Variants in AFAP1L1 observed in about 807,000 individuals in gnomAD.
The protein encoded by AFAP1L1 is actin filament-associated protein 1-like 1.
A neutral mutation model predicts 99.8 loss-of-function variants in AFAP1L1; 77 were observed. The observed-to-expected ratio is 0.77, with a 90% CI of 0.64 to 0.93. The LOEUF (loss-of-function observed/expected upper bound fraction) is 0.93, where lower values mean the gene tolerates loss of function less well. Ranked by LOEUF, AFAP1L1 falls within the 40% of genes least tolerant of loss-of-function variation. AFAP1L1 has a pLI of 0.00. For synonymous variants in AFAP1L1, 373 were observed against 395.3 expected (o/e 0.94, Z 0.67); for missense variants, 893 against 996.8 (o/e 0.90, Z 1.40).
intron 16 of AFAP1L1, among the ~76,000 whole-genome samples, chr5:149,331,160 G>T (rs1010607523): frequency 6.6e-6 from 1 of 152,080 alleles, no homozygotes; most frequent in Non-Finnish European, 1.5e-5. Flanking sequence ...AAGTGGGCTG[G>T]GTGCCGTGGT....
chr5:149,297,579 C>T (rs1305370363), intron 1 of AFAP1L1, among the ~76,000 whole-genome samples: 1 of 152,202 alleles, frequency 6.6e-6, no homozygotes, highest in Admixed American at 6.5e-5. Flanking sequence ...CAACCTTCAG[C>T]TCATTGTCAA....
chr5:149,329,588 A>C (rs1013283977), intron 15 of AFAP1L1, 78 bp from the exon 16 acceptor site: 2 of 1,417,520 alleles, frequency 1.4e-6, no homozygotes, highest in African/African-American at 2.9e-5. Flanking sequence ...GTTGGGGCTG[A>C]AAGAGAAGCT....
intron 15 of AFAP1L1, among the ~76,000 whole-genome samples, chr5:149,327,886 A>G (rs1399016066): frequency 6.6e-6 from 1 of 152,210 alleles, no homozygotes; most frequent in Non-Finnish European, 1.5e-5. Flanking sequence ...AAATATTCAA[A>G]TAATGGCTGA....
intron 17 of AFAP1L1, among the ~76,000 whole-genome samples, chr5:149,335,198 C>T (rs1474346377): frequency 6.6e-6 from 1 of 152,096 alleles, no homozygotes; most frequent in Non-Finnish European, 1.5e-5. Context: ...TTTTAAAGTT[C>T]CTCATGCAGC....
At chr5:149,299,184 G>A (rs1327116854) in intron 1 of AFAP1L1, among the ~76,000 whole-genome samples, 3 of 152,342 alleles carry the variant, frequency 2.0e-5, no homozygotes, top group African/African-American at 7.2e-5. Flanking sequence ...GGCAATCTGG[G>A]ACAGAGGGAG....
chr5:149,294,007 G>A (rs1284570936), intron 1 of AFAP1L1, among the ~76,000 whole-genome samples: 1 of 152,186 alleles, frequency 6.6e-6, no homozygotes, highest in Non-Finnish European at 1.5e-5. Flanking sequence ...GTAATCTTCA[G>A]GGGCTCCTAT....
intron 16 of AFAP1L1, 23 bp downstream of exon 16, chr5:149,329,853 G>A (rs767071279): frequency 2.5e-6 from 4 of 1,582,764 alleles, no homozygotes; most frequent in South Asian, 1.2e-5. Flanking sequence ...GTGTGGTCCT[G>A]AGCACCTATG....
intron 5 of AFAP1L1, among the ~76,000 whole-genome samples, chr5:149,304,968 G>GT (rs1756361055): frequency 6.6e-6 from 1 of 151,794 alleles, no homozygotes; most frequent in Middle Eastern, 3.2e-3. Context: ...CCTGGAGGGG[G>GT]ATGTGCACCA....
At chr5:149,301,632 A>G (rs1466557636) in intron 4 of AFAP1L1, among the ~76,000 whole-genome samples, 1 of 152,016 alleles carries the variant, frequency 6.6e-6, no homozygotes, top group African/African-American at 2.4e-5. Flanking sequence ...GCCCACCCCC[A>G]TGACTCTGCT....
chr5:149,333,323 A>G (rs934905044), intron 17 of AFAP1L1, among the ~76,000 whole-genome samples: 1 of 152,232 alleles, frequency 6.6e-6, no homozygotes, highest in Non-Finnish European at 1.5e-5. Context: ...GACTTGCTCA[A>G]GGTCACTCCA....
At chr5:149,337,556 T>G (rs1757440201) in intron 18 of AFAP1L1, among the ~76,000 whole-genome samples, 1 of 152,162 alleles carries the variant, frequency 6.6e-6, no homozygotes, top group Non-Finnish European at 1.5e-5. Flanking sequence ...ATTCCATCTT[T>G]GCAATAACCA....
In AFAP1L1 at chr5:149,299,617, A is replaced by G. The variant is rs768001773; in HGVS notation, c.125A>G (p.Gln42Arg). Reference sequence around the variant, plus strand: ...AAGATGGCCGTGGCCTCCATCCTGCAGAGCCTGCAGCCCCTTCCAGGTTAG... The same window carrying G: ...AAGATGGCCGTGGCCTCCATCCTGCGGAGCCTGCAGCCCCTTCCAGGTTAG... ...EKKMAVASIL[Q>R]SLQPLPAKEV... Residue 42 changes from glutamine (Q) to arginine (R), a missense_variant, in exon 2 of 19, where the codon CAG (glutamine) becomes CGG (arginine). By Grantham distance (43) the Gln-to-Arg change is conservative. Transcript: ENST00000296721. 10 of 1,614,150 alleles carry G rather than the reference A, an allele frequency of 6.2e-6. No individual in the cohort carries two copies. In the South Asian group the frequency reaches 9.9e-5, roughly 16 times the overall value.
At chr5:149,319,817 G>A (rs1236593102) in intron 13 of AFAP1L1, 90 bp downstream of exon 13, 5 of 1,528,464 alleles carry the variant, frequency 3.3e-6, no homozygotes, top group Non-Finnish European at 3.5e-6. Flanking sequence ...GGCACTGGGA[G>A]GGAAGGGAGG....
At chr5:149,272,749 C>G (rs1755168284) in intron 1 of AFAP1L1, among the ~76,000 whole-genome samples, 1 of 152,220 alleles carries the variant, frequency 6.6e-6, no homozygotes, top group African/African-American at 2.4e-5. Context: ...GTTGCCCAGG[C>G]TGGAGTGAAG....
At chr5:149,321,722 C>CAAAA (rs57366142) in intron 14 of AFAP1L1, among the ~76,000 whole-genome samples, 135 of 63,604 alleles carry the variant, frequency 2.1e-3, no homozygotes, top group Non-Finnish European at 2.6e-3. Context: ...GACTCTGTCT[C>CAAAA]AAAAAAAAAA....
chr5:149,330,807 A>C (rs1757234257), intron 16 of AFAP1L1, among the ~76,000 whole-genome samples: 1 of 151,904 alleles, frequency 6.6e-6, no homozygotes, highest in South Asian at 2.1e-4. Context: ...TTTATTATTT[A>C]TTGTTTGCCA....
intron 1 of AFAP1L1, 113 bp downstream of exon 1, chr5:149,272,097 G>A: frequency 9.4e-7 from 1 of 1,064,310 alleles, no homozygotes; most frequent in Non-Finnish European, 1.2e-6. Context: ...GGCGGGGGCT[G>A]AGGAACGCTC....
chr5:149,316,319 G>C lies in AFAP1L1; in HGVS notation c.1267+16G>C. On this transcript the variant is annotated intron_variant, in intron 11 of 18. Transcript: ENST00000296721. ...CCCTGCTGTGGTGGGTCCAGGGCAC[G>C]GGGAGGAAGGGTGCTCAGGTCCTGT... 6.2e-7 allele frequency: 1 copy of C among 1,610,110 alleles called. No homozygotes were observed. Among genetic ancestry groups the C allele is most frequent in the South Asian group, 1.1e-5 (1 of 90,704 alleles).
At chr5:149,291,429 G>A (rs183601792) in intron 1 of AFAP1L1, among the ~76,000 whole-genome samples, 1 of 148,496 alleles carries the variant, frequency 6.7e-6, no homozygotes, top group Admixed American at 6.8e-5. Flanking sequence ...CGGAGGCTGA[G>A]GCAGGAGAAT....
Sources: allele counts gnomAD v4.1 joint callset (sites outside exome capture counted in the v4.1 genomes callset), GRCh38; gene constraint gnomAD v4.1.1; transcripts MANE v1.5; gene names NCBI Gene and HGNC (gene_info 2026-07-23, HGNC 2026-07-21).